Variants in EPHB1 observed in about 807,000 individuals in gnomAD.
The protein encoded by EPHB1 is ephrin type-B receptor 1.
EPHB1 carries 30 observed loss-of-function variants against 94.4 expected under a neutral mutation model. The observed-to-expected ratio is 0.32, with a 90% CI of 0.24 to 0.43. The LOEUF (loss-of-function observed/expected upper bound fraction) is 0.43. Among genes scored for constraint, EPHB1 ranks in the 20% least tolerant of loss-of-function variants. The pLI is 1.00. For missense variants in EPHB1, 1,055 were observed against 1,308.3 expected, an observed-to-expected ratio of 0.81 and a Z score of 2.99; for synonymous variants, 522 against 489.1, an observed-to-expected ratio of 1.07 and a Z score of -0.89.
chr3:135,031,622 C>G (rs1936473030), intron 3 of EPHB1, among the ~76,000 whole-genome samples: 1 of 152,176 alleles, frequency 6.6e-6, no homozygotes, highest in Non-Finnish European at 1.5e-5. Flanking sequence ...AACTATTTTT[C>G]AATGCTTAGC....
At chr3:135,008,364 A>G (rs1205434739) in intron 3 of EPHB1, among the ~76,000 whole-genome samples, 2 of 152,206 alleles carry the variant, frequency 1.3e-5, no homozygotes, top group Non-Finnish European at 2.9e-5. Flanking sequence ...GCTGAAGCAC[A>G]GAGAAAGGTT....
intron 3 of EPHB1, among the ~76,000 whole-genome samples, chr3:135,092,728 C>T (rs939423267): frequency 6.6e-6 from 1 of 151,992 alleles, no homozygotes; most frequent in African/African-American, 2.4e-5. Context: ...CAGGTTCAAG[C>T]GATTCTCCTG....
At chr3:135,235,321 AG>A (rs1943626289) in intron 12 of EPHB1, among the ~76,000 whole-genome samples, 1 of 152,252 alleles carries the variant, frequency 6.6e-6, no homozygotes, top group Admixed American at 6.5e-5. Context: ...GATCTATGCC[AG>A]CAGTTCTCAA....
intron 3 of EPHB1, among the ~76,000 whole-genome samples, chr3:135,024,586 G>A (rs1211366951): frequency 6.6e-6 from 1 of 152,158 alleles, no homozygotes; most frequent in Non-Finnish European, 1.5e-5. Context: ...TCCTACACCG[G>A]GGGGTTGTCT....
intron 3 of EPHB1, among the ~76,000 whole-genome samples, chr3:134,999,329 G>T (rs1212364129): frequency 6.6e-5 from 10 of 152,216 alleles, no homozygotes; most frequent in Admixed American, 5.9e-4. Flanking sequence ...GAAGGTGATT[G>T]TGACTAGAAA....
rs536042152 is a variant in EPHB1, at chr3:134,923,408, C to G, written c.59-2408C>G. On this transcript the variant is annotated intron_variant, in intron 1 of 15. Transcript: ENST00000398015. Reference sequence around the variant, plus strand: ...GCACCTGCTGAGATACCCTGTACCCCACCTGAACCCTGCTTATATCCCATG... The same window carrying G: ...GCACCTGCTGAGATACCCTGTACCCGACCTGAACCCTGCTTATATCCCATG... Among the ~76,000 whole-genome samples the G allele has an allele frequency of 3.5e-4, 53 of 152,294 alleles. 1 individual carries two copies. In the South Asian group the frequency reaches 0.011, roughly 30 times the overall value.
intron 1 of EPHB1, among the ~76,000 whole-genome samples, chr3:134,810,445 C>T (rs1210930664): frequency 6.6e-6 from 1 of 152,106 alleles, no homozygotes; most frequent in African/African-American, 2.4e-5. Context: ...ATAGAACAGC[C>T]TGGCAAATGG....
chr3:135,253,644 T>C (rs1373870703), intron 15 of EPHB1, among the ~76,000 whole-genome samples: 29 of 144,634 alleles, frequency 2.0e-4, no homozygotes, highest in African/African-American at 6.7e-4. Flanking sequence ...AGTCAGGTAG[T>C]GTGATGCCTC....
At chr3:135,061,284 C>T (rs566845415) in intron 3 of EPHB1, among the ~76,000 whole-genome samples, 94 of 152,104 alleles carry the variant, frequency 6.2e-4, no homozygotes, top group South Asian at 1.0e-3. Flanking sequence ...TCCCCTCCCA[C>T]CTTTACCCAC....
intron 3 of EPHB1, among the ~76,000 whole-genome samples, chr3:135,102,397 C>A (rs2107797179): frequency 1.3e-5 from 2 of 152,206 alleles, no homozygotes; most frequent in South Asian, 4.2e-4. Flanking sequence ...TATTTATCAA[C>A]CCAAGTTAAA....
rs1219488439 is a variant in EPHB1, at chr3:135,253,799, G to T, written c.2846+4308G>T. On this transcript the variant is annotated intron_variant, in intron 15 of 15. Coordinates refer to ENST00000398015, the MANE Select transcript of EPHB1 (RefSeq NM_004441.5). ...ATGGCATTGAATCTGTAAATTACCT[G>T]GGGCAGTATGGCCATTTTCACAATA... Among the ~76,000 whole-genome samples, 122 of 151,950 alleles carry T rather than the reference G, an allele frequency of 8.0e-4. 1 individual carries two copies. The highest frequency in any genetic ancestry group is 2.6e-3 in the African/African-American group (107 of 41,380).
intron 3 of EPHB1, among the ~76,000 whole-genome samples, chr3:135,003,824 C>G (rs1302475060): frequency 6.6e-6 from 1 of 151,974 alleles, no homozygotes; most frequent in African/African-American, 2.4e-5. Context: ...AGATCTTCCT[C>G]CATCCTTTTA....
chr3:135,094,157 A>T (rs1938661458), intron 3 of EPHB1, among the ~76,000 whole-genome samples: 1 of 152,218 alleles, frequency 6.6e-6, no homozygotes, highest in South Asian at 2.1e-4. Flanking sequence ...CTTCTCCATC[A>T]AGCCCTGGGA....
chr3:135,180,286 C>T (rs763944176), intron 10 of EPHB1, among the ~76,000 whole-genome samples: 2 of 152,144 alleles, frequency 1.3e-5, no homozygotes, highest in African/African-American at 2.4e-5. Flanking sequence ...AGATAAGGTA[C>T]TTAGTTGAGA....
chr3:135,010,793 A>T lies in EPHB1; in HGVS notation c.805+58741A>T, dbSNP rs1935594872. ...TGGCCAGGCTGGTCTCGAACTCCGG[A>T]CCTCGTGATCCACCTACCTCGGCCT... On this transcript the variant is annotated intron_variant, in intron 3 of 15. Transcript: ENST00000398015. Among the ~76,000 whole-genome samples, 4 of 151,532 alleles carry T rather than the reference A, an allele frequency of 2.6e-5. No individual in the cohort carries two copies. In the South Asian group the frequency reaches 8.4e-4, roughly 32 times the overall value.
chr3:135,252,013 G>C lies in EPHB1; in HGVS notation c.2846+2522G>C, dbSNP rs1317393183. 5.9e-5 allele frequency among the ~76,000 whole-genome samples: 9 copies of C among 152,080 alleles called. No homozygotes were observed. In the East Asian group the frequency reaches 9.7e-4, roughly 16 times the overall value. ...AATTTCTCTGAGCCCTACTTGCCTTGTTTATAAATAATTTATAAATTATTA... is the reference window on the plus strand; with the variant it reads ...AATTTCTCTGAGCCCTACTTGCCTTCTTTATAAATAATTTATAAATTATTA... On this transcript the variant is annotated intron_variant, in intron 15 of 15. Transcript: ENST00000398015.
At position 134,899,051 on chromosome 3, in the gene EPHB1, A is replaced by G. The variant is rs1292361787; in HGVS notation, c.59-26765A>G. 5.9e-5 allele frequency among the ~76,000 whole-genome samples: 9 copies of G among 152,048 alleles called. No homozygotes were observed. In the East Asian group the frequency reaches 1.7e-3, roughly 29 times the overall value. ...TGATTGTCTCCCAATAGATGAGGAA[A>G]ACATCCCTACTTATCACTTTCTATT... On this transcript the variant is annotated intron_variant, in intron 1 of 15. Transcript: ENST00000398015.
chr3:135,140,770 C>G (rs151015628), intron 5 of EPHB1, among the ~76,000 whole-genome samples: 1 of 152,170 alleles, frequency 6.6e-6, no homozygotes, highest in Non-Finnish European at 1.5e-5. Flanking sequence ...GGATGGCATC[C>G]CAGCACTGTT....
chr3:134,825,448 C>A (rs1314132292), intron 1 of EPHB1, among the ~76,000 whole-genome samples: 1 of 152,254 alleles, frequency 6.6e-6, no homozygotes, highest in Non-Finnish European at 1.5e-5. Context: ...AGGGTTTCAT[C>A]TAAGCCTATA....
Sources: gnomAD v4.1 joint callset for allele counts (sites outside exome capture counted in the v4.1 genomes callset) on GRCh38, gnomAD v4.1.1 for gene constraint, MANE v1.5 for transcripts, NCBI Gene and HGNC (gene_info 2026-07-23, HGNC 2026-07-21) for gene names.